NKAIN2: variants seen among roughly 807,000 people sequenced by gnomAD.
NKAIN2 encodes the protein sodium/potassium transporting ATPase interacting 2.
NKAIN2 carries 14 observed loss-of-function variants against 32.6 expected under a neutral mutation model. The ratio of observed to expected loss-of-function variants is 0.43; its 90% CI spans 0.28 to 0.67. The LOEUF is 0.67. NKAIN2 is among the 30% of genes least tolerant of loss of function. The probability of loss-of-function intolerance (pLI) is 0.17; values close to 1 mark genes in which losing one functional copy is unlikely to be tolerated. For synonymous variants in NKAIN2, 80 were observed against 87.2 expected (o/e 0.92, Z 0.46); for missense variants, 198 against 258.3 (o/e 0.77, Z 1.60).
chr6:124,157,250 G>C (rs1252450727), intron 1 of NKAIN2, among the ~76,000 whole-genome samples: 2 of 109,836 alleles, frequency 1.8e-5, no homozygotes, highest in African/African-American at 6.1e-5. Context: ...TGTCATAATG[G>C]ACACACACAC....
intron 3 of NKAIN2, among the ~76,000 whole-genome samples, chr6:124,446,523 G>T (rs62437460): frequency 0.046 from 6,953 of 151,932 alleles, 268 homozygotes; most frequent in Non-Finnish European, 0.066. Context: ...TTGTATTTTT[G>T]ATAGAGACGG....
chr6:124,640,408 T>C (rs1783941034), intron 3 of NKAIN2, among the ~76,000 whole-genome samples: 2 of 152,194 alleles, frequency 1.3e-5, no homozygotes, highest in African/African-American at 4.8e-5. Flanking sequence ...GTAATATCTC[T>C]GGAAATACTT....
chr6:123,807,137 A>C (rs900825128), intron 1 of NKAIN2, among the ~76,000 whole-genome samples: 1 of 152,076 alleles, frequency 6.6e-6, no homozygotes, highest in Non-Finnish European at 1.5e-5. Context: ...GGCAGACTAC[A>C]AGTATTGATA....
At chr6:124,612,297 T>C (rs1782722478) in intron 3 of NKAIN2, among the ~76,000 whole-genome samples, 1 of 152,178 alleles carries the variant, frequency 6.6e-6, no homozygotes, top group Non-Finnish European at 1.5e-5. Flanking sequence ...ACAGTTGCTT[T>C]GCATTAATAA....
chr6:124,195,201 T>G (rs1426147616), intron 1 of NKAIN2, among the ~76,000 whole-genome samples: 1 of 152,062 alleles, frequency 6.6e-6, no homozygotes, highest in Non-Finnish European at 1.5e-5. Context: ...TCTCTACAAA[T>G]AATGTGCTCC....
chr6:124,250,583 A>C (rs1793651880), intron 1 of NKAIN2, among the ~76,000 whole-genome samples: 2 of 152,104 alleles, frequency 1.3e-5, no homozygotes, highest in Non-Finnish European at 2.9e-5. Context: ...TTAACCTAGA[A>C]TTCCAAGTGC....
intron 1 of NKAIN2, among the ~76,000 whole-genome samples, chr6:124,211,877 C>T (rs1257592832): frequency 6.6e-6 from 1 of 151,904 alleles, no homozygotes; most frequent in Non-Finnish European, 1.5e-5. Flanking sequence ...TCACCATTTC[C>T]AAATAATGAT....
chr6:124,564,982 A>G (rs1440195449), intron 3 of NKAIN2, among the ~76,000 whole-genome samples: 1 of 151,898 alleles, frequency 6.6e-6, no homozygotes, highest in African/African-American at 2.4e-5. Context: ...AAAACTTTTC[A>G]CATTTCACCA....
intron 1 of NKAIN2, among the ~76,000 whole-genome samples, chr6:123,989,304 A>G (rs1779314125): frequency 6.6e-6 from 1 of 152,204 alleles, no homozygotes; most frequent in Non-Finnish European, 1.5e-5. Context: ...GTTGTCAGCC[A>G]ATATATGATT....
chr6:124,235,203 T>TG (rs1792685637), intron 1 of NKAIN2, among the ~76,000 whole-genome samples: 1 of 152,186 alleles, frequency 6.6e-6, no homozygotes, highest in African/African-American at 2.4e-5. Flanking sequence ...CTTCACTTTT[T>TG]GGAAAAAGTA....
intron 1 of NKAIN2, among the ~76,000 whole-genome samples, chr6:124,250,128 C>T (rs946744003): frequency 2.0e-5 from 3 of 152,060 alleles, no homozygotes; most frequent in African/African-American, 4.8e-5. Context: ...TTGCTGTTTC[C>T]ACCATGTGAG....
intron 3 of NKAIN2, among the ~76,000 whole-genome samples, chr6:124,481,644 ATTT>A (rs1777456923): frequency 6.6e-6 from 1 of 152,126 alleles, no homozygotes; most frequent in Non-Finnish European, 1.5e-5. Context: ...GTGAGATATT[ATTT>A]TTTAAAATTC....
intron 1 of NKAIN2, among the ~76,000 whole-genome samples, chr6:124,088,995 C>T (rs1784309867): frequency 6.6e-6 from 1 of 152,004 alleles, no homozygotes; most frequent in Non-Finnish European, 1.5e-5. Context: ...AATACTTTAT[C>T]CTTTTAAATA....
chr6:123,839,955 C>G (rs1774799799), intron 1 of NKAIN2, among the ~76,000 whole-genome samples: 2 of 152,088 alleles, frequency 1.3e-5, no homozygotes, highest in Non-Finnish European at 2.9e-5. Flanking sequence ...CATTAAAAAA[C>G]TTTCCCTGCA....
chr6:124,199,071 C>T (rs1365210331), intron 1 of NKAIN2, among the ~76,000 whole-genome samples: 2 of 151,976 alleles, frequency 1.3e-5, no homozygotes, highest in African/African-American at 4.8e-5. Context: ...ATGATGTGTC[C>T]CACAATTTAT....
At chr6:124,180,802 C>G (rs1789404886) in intron 1 of NKAIN2, among the ~76,000 whole-genome samples, 1 of 152,182 alleles carries the variant, frequency 6.6e-6, no homozygotes, top group Admixed American at 6.5e-5. Flanking sequence ...CAGCCTCCCT[C>G]CTGGCTGCTT....
chr6:123,945,868 T>G (rs943424098), intron 1 of NKAIN2, among the ~76,000 whole-genome samples: 2 of 152,150 alleles, frequency 1.3e-5, no homozygotes, highest in Non-Finnish European at 2.9e-5. Context: ...GGGTAAGACA[T>G]AAAGAAATCC....
chr6:124,755,663 G>A (rs1314197677), intron 4 of NKAIN2, among the ~76,000 whole-genome samples: 2 of 152,118 alleles, frequency 1.3e-5, no homozygotes, highest in African/African-American at 4.8e-5. Context: ...TAAGTGATGA[G>A]AACACATGGA....
At chr6:123,992,129 A>G (rs184117089) in intron 1 of NKAIN2, among the ~76,000 whole-genome samples, 5 of 152,304 alleles carry the variant, frequency 3.3e-5, no homozygotes, top group Admixed American at 2.6e-4. Context: ...CTGTAGAGGC[A>G]TGGAAGGCAG....
Sources: gnomAD v4.1 joint callset for allele counts (sites outside exome capture counted in the v4.1 genomes callset) on GRCh38, gnomAD v4.1.1 for gene constraint, MANE v1.5 for transcripts, NCBI Gene and HGNC (gene_info 2026-07-23, HGNC 2026-07-21) for gene names.